Variants in POU6F2 observed in about 807,000 individuals in gnomAD.
POU6F2 encodes POU class 6 homeobox 2, also known as POU domain, class 6, transcription factor 2.
Under a neutral mutation model 71.3 loss-of-function variants are expected in POU6F2, and 31 were observed. The ratio of observed to expected loss-of-function variants is 0.43; its 90% CI spans 0.33 to 0.59. The LOEUF is 0.59. Among genes scored for constraint, POU6F2 ranks in the 20% least tolerant of loss-of-function variants. The pLI, the probability that POU6F2 is intolerant of heterozygous loss-of-function variation, is 0.04. For missense variants in POU6F2, 783 were observed against 856.8 expected (o/e 0.91, Z 1.07); for synonymous variants, 347 against 355.7 (o/e 0.98, Z 0.27).
At chr7:39,440,825 G>C (rs1212697403) in intron 7 of POU6F2, among the ~76,000 whole-genome samples, 2 of 152,146 alleles carry the variant, frequency 1.3e-5, no homozygotes, top group Non-Finnish European at 2.9e-5. Context: ...AGTTTGTCTA[G>C]TTTCAGTCTT....
intron 4 of POU6F2, among the ~76,000 whole-genome samples, chr7:39,266,841 G>A (rs984308263): frequency 1.3e-5 from 2 of 151,700 alleles, no homozygotes; most frequent in Non-Finnish European, 2.9e-5. Context: ...TCATTTCTTT[G>A]TAGTGAGAAT....
chr7:39,348,143 AAAAC>A (rs928510149), intron 5 of POU6F2, among the ~76,000 whole-genome samples: 2 of 144,086 alleles, frequency 1.4e-5, no homozygotes, highest in Non-Finnish European at 3.1e-5. Context: ...GAAAACAACA[AAAAC>A]AAACAAAAAA....
intron 2 of POU6F2, among the ~76,000 whole-genome samples, chr7:39,183,322 T>C (rs1793471482): frequency 6.6e-6 from 1 of 152,048 alleles, no homozygotes; most frequent in Non-Finnish European, 1.5e-5. Flanking sequence ...AGAAAAGAGG[T>C]TTAATTGACT....
At position 39,260,307 on chromosome 7, in the gene POU6F2, CCACA is replaced by C. The variant is rs1211900375; in HGVS notation, c.598+52694_598+52697del. On this transcript the variant is annotated intron_variant, in intron 4 of 9. Transcript: ENST00000518318. The stretch of plus-strand genomic sequence containing the variant: ...ACACACTCTCCATACCATGTTCACA[CCACA>C]CACACAATACCATGCACACACCACA... Among the ~76,000 whole-genome samples, 4 of 150,252 alleles carry C rather than the reference CCACA, an allele frequency of 2.7e-5. No homozygotes were observed. The East Asian group carries it at 7.9e-4, about 30-fold the overall frequency.
At chr7:39,085,777 G>A in intron 1 of POU6F2, 83 bp from the exon 2 acceptor site, 1 of 1,351,430 alleles carries the variant, frequency 7.4e-7, no homozygotes, top group Non-Finnish European at 1.0e-6. Context: ...AGAGAGAAGA[G>A]AGAGGGAGAG....
In POU6F2 at chr7:39,068,238, G is replaced by A. The variant is rs952020184; in HGVS notation, c.106-17622G>A. 2.6e-5 allele frequency among the ~76,000 whole-genome samples: 4 copies of A among 152,074 alleles called. No individual in the cohort carries two copies. In the East Asian group the frequency reaches 7.7e-4, roughly 29 times the overall value. On this transcript the variant is annotated intron_variant, in intron 1 of 9. Coordinates refer to ENST00000518318, the MANE Select transcript of POU6F2 (RefSeq NM_001370959.1). ...CACACAAAATAAAATTACAAGAAGT[G>A]AAATAAGAGGAGAAATTCTAATACT... is the stretch of plus-strand genomic sequence containing the variant.
intron 2 of POU6F2, among the ~76,000 whole-genome samples, chr7:39,106,030 T>A (rs936352763): frequency 2.6e-5 from 4 of 152,158 alleles, no homozygotes; most frequent in African/African-American, 9.7e-5. Flanking sequence ...AAAGATGCAA[T>A]ATGAAATGCC....
At chr7:39,304,772 A>G (rs1785019571) in intron 4 of POU6F2, among the ~76,000 whole-genome samples, 1 of 152,196 alleles carries the variant, frequency 6.6e-6, no homozygotes, top group Admixed American at 6.5e-5. Flanking sequence ...GAAAATGTCT[A>G]AATTCCTGGA....
At chr7:39,434,603 T>C (rs1444018658) in intron 7 of POU6F2, among the ~76,000 whole-genome samples, 1 of 151,668 alleles carries the variant, frequency 6.6e-6, no homozygotes, top group East Asian at 1.9e-4. Flanking sequence ...AGCCAAGCCC[T>C]GGAGATCTAT....
At chr7:39,314,157 A>G (rs1433063346) in intron 4 of POU6F2, among the ~76,000 whole-genome samples, 1 of 152,018 alleles carries the variant, frequency 6.6e-6, no homozygotes, top group East Asian at 1.9e-4. Flanking sequence ...TGGCTTCCTC[A>G]CCCAGTTCCT....
At chr7:39,189,186 T>A (rs1326988357) in intron 2 of POU6F2, among the ~76,000 whole-genome samples, 2 of 152,040 alleles carry the variant, frequency 1.3e-5, no homozygotes, top group Non-Finnish European at 2.9e-5. Flanking sequence ...GGCCACAACA[T>A]CAGACAAGGC....
chr7:39,207,713 T>C, intron 4 of POU6F2, 93 bp downstream of exon 4: 1 of 1,247,238 alleles, frequency 8.0e-7, no homozygotes. Context: ...GAATGGTGAA[T>C]GTGGTTCAGA....
chr7:39,358,486 A>G (rs751381756), intron 5 of POU6F2, among the ~76,000 whole-genome samples: 2 of 152,224 alleles, frequency 1.3e-5, no homozygotes, highest in Non-Finnish European at 1.5e-5. Context: ...TAATAACACA[A>G]ATTCTCCTCG....
chr7:39,045,594 A>G (rs919139676), intron 1 of POU6F2, among the ~76,000 whole-genome samples: 3 of 150,978 alleles, frequency 2.0e-5, no homozygotes, highest in Non-Finnish European at 4.4e-5. Context: ...CTGTACATTC[A>G]CTCATTCAAA....
At chr7:39,184,461 G>A (rs962717257) in intron 2 of POU6F2, among the ~76,000 whole-genome samples, 2 of 152,064 alleles carry the variant, frequency 1.3e-5, no homozygotes, top group South Asian at 2.1e-4. Context: ...CTAAATTTAC[G>A]CCCAGCACAT....
At chr7:39,265,445 G>A (rs916799687) in intron 4 of POU6F2, among the ~76,000 whole-genome samples, 1 of 152,136 alleles carries the variant, frequency 6.6e-6, no homozygotes, top group Admixed American at 6.5e-5. Flanking sequence ...TATTACTTAT[G>A]TTTGGCTCAT....
In POU6F2 at chr7:39,194,654, G is replaced by A. The variant is rs894124757; in HGVS notation, c.278-9581G>A. Among the ~76,000 whole-genome samples the A allele has an allele frequency of 2.0e-5, 3 of 147,692 alleles. No individual in the cohort carries two copies. The Admixed American group carries it at 2.0e-4, about 10-fold the overall frequency. ...AAAGGAATAAAAGCTGGCCACCTGA[G>A]CTAGCAGTGGTAACCCACTCCGGTC... is the stretch of plus-strand genomic sequence containing the variant. On this transcript the variant is annotated intron_variant, in intron 2 of 9. Coordinates refer to ENST00000518318, the MANE Select transcript of POU6F2 (RefSeq NM_001370959.1).
intron 4 of POU6F2, among the ~76,000 whole-genome samples, chr7:39,261,485 A>T (rs370635513): frequency 6.6e-6 from 1 of 152,210 alleles, no homozygotes; most frequent in Non-Finnish European, 1.5e-5. Context: ...ACTTTTTATA[A>T]GGCATTGTTC....
chr7:39,084,944 G>C (rs1791204991), intron 1 of POU6F2: 1 of 152,090 alleles, frequency 6.6e-6, no homozygotes, highest in African/African-American at 2.4e-5. Context: ...TTTGCAAATG[G>C]AATAAAAGAC....
Sources: gnomAD v4.1 joint callset for allele counts (sites outside exome capture counted in the v4.1 genomes callset) on GRCh38, gnomAD v4.1.1 for gene constraint, MANE v1.5 for transcripts, NCBI Gene and HGNC (gene_info 2026-07-23, HGNC 2026-07-21) for gene names.